Variants in MRPS28 observed in about 807,000 individuals in gnomAD.
The protein encoded by MRPS28 is small ribosomal subunit protein bS1m.
A neutral mutation model predicts 10.8 loss-of-function variants in MRPS28; 7 were observed. The observed-to-expected ratio is 0.65, with a 90% CI of 0.37 to 1.22. The LOEUF (loss-of-function observed/expected upper bound fraction) is 1.22, where lower values mean the gene tolerates loss of function less well. Ranked by LOEUF, MRPS28 falls within the 50% of genes most tolerant of loss-of-function variation. The pLI is 0.02. For synonymous variants in MRPS28, 121 were observed against 93.3 expected (o/e 1.30, Z -1.71); for missense variants, 265 against 232.9 (o/e 1.14, Z -0.90).
At chr8:79,998,227 GA>G (rs778864571) in intron 2 of MRPS28, among the ~76,000 whole-genome samples, 4 of 152,230 alleles carry the variant, frequency 2.6e-5, no homozygotes, top group East Asian at 1.9e-4. Flanking sequence ...AGAAAAAGAT[GA>G]TGTCAATTGA....
chr8:79,946,022 C>A (rs1292526173), intron 2 of MRPS28, among the ~76,000 whole-genome samples: 1 of 151,700 alleles, frequency 6.6e-6, no homozygotes, highest in South Asian at 2.1e-4. Context: ...GGGACCAATC[C>A]AAAAAAAACT....
At position 79,919,134 on chromosome 8, in the gene MRPS28, C is replaced by T; in HGVS notation, c.410G>A (p.Gly137Glu). Residue 137 changes from glycine to glutamate, a missense_variant, in exon 3 of 3, where the codon GGA becomes GAA. Transcript: ENST00000276585. The stretch of plus-strand genomic sequence containing the variant: ...TAATAGCCGCAACCGGACCCTGGTT[C>T]CTTTCTGGTATTTCCTAAATAGTTA... The part of the protein sequence containing the change: ...PEVDGEKYQK[G>E]TRVRLRLLDL... 6.3e-7 allele frequency: 1 copy of T among 1,583,546 alleles called. No individual in the cohort carries two copies.
chr8:79,958,631 T>C (rs981939727), intron 2 of MRPS28, among the ~76,000 whole-genome samples: 1 of 152,174 alleles, frequency 6.6e-6, no homozygotes, highest in South Asian at 2.1e-4. Context: ...TAGGCATATA[T>C]CAACACAAAG....
At chr8:79,970,760 G>T (rs74352238) in intron 2 of MRPS28, among the ~76,000 whole-genome samples, 7 of 152,094 alleles carry the variant, frequency 4.6e-5, no homozygotes, top group Non-Finnish European at 1.0e-4. Context: ...TAATATACTA[G>T]GTCTCAAAGA....
intron 2 of MRPS28, among the ~76,000 whole-genome samples, chr8:79,968,834 G>C (rs1056151417): frequency 1.8e-4 from 28 of 152,166 alleles, no homozygotes; most frequent in Middle Eastern, 3.4e-3. Context: ...GTATAGTGTG[G>C]CCATTAAGAA....
intron 2 of MRPS28, among the ~76,000 whole-genome samples, chr8:79,988,583 A>T (rs1808264800): frequency 6.6e-6 from 1 of 152,146 alleles, no homozygotes; most frequent in Non-Finnish European, 1.5e-5. Context: ...ATAATTCCTA[A>T]TATATTCAAT....
intron 2 of MRPS28, among the ~76,000 whole-genome samples, chr8:79,923,100 A>C (rs1158823981): frequency 6.6e-6 from 1 of 152,110 alleles, no homozygotes; most frequent in Non-Finnish European, 1.5e-5. Flanking sequence ...AGTCAGTCAC[A>C]TTTTCTAGTC....
At chr8:79,986,427 C>T (rs1586078550) in intron 2 of MRPS28, among the ~76,000 whole-genome samples, 1 of 151,954 alleles carries the variant, frequency 6.6e-6, no homozygotes, top group South Asian at 2.1e-4. Context: ...CTGGCCAGGG[C>T]AATTAGGCAG....
chr8:80,029,853 A>C, intron 1 of MRPS28, 183 bp downstream of exon 1: 1 of 1,535,070 alleles, frequency 6.5e-7, no homozygotes, highest in South Asian at 1.2e-5. Flanking sequence ...AACGAAAGGA[A>C]GAAAAACACC....
chr8:79,962,759 G>A (rs1226632215), intron 2 of MRPS28, among the ~76,000 whole-genome samples: 1 of 152,176 alleles, frequency 6.6e-6, no homozygotes, highest in East Asian at 1.9e-4. Context: ...GGATTTTCAC[G>A]GTTAGTTGGA....
chr8:79,960,806 T>C lies in MRPS28; in HGVS notation c.396-41658A>G, dbSNP rs550311955. Among the ~76,000 whole-genome samples the C allele has an allele frequency of 2.6e-5, 4 of 152,278 alleles. No individual in the cohort carries two copies. The East Asian group carries it at 5.8e-4, about 22-fold the overall frequency. ...ACAGGAACAAAACATTATAGAGCTT[T>C]TGAAATTCCCAGAGCCGCTGCTGTT... On this transcript the variant is annotated intron_variant, in intron 2 of 2. Coordinates refer to ENST00000276585, the MANE Select transcript of MRPS28 (RefSeq NM_014018.3).
chr8:79,942,154 A>G (rs1272222180), intron 2 of MRPS28, among the ~76,000 whole-genome samples: 1 of 152,180 alleles, frequency 6.6e-6, no homozygotes, highest in East Asian at 1.9e-4. Context: ...GTAAAAAAAG[A>G]ACACTTCTGA....
At chr8:79,934,053 T>C (rs1371382917) in intron 2 of MRPS28, among the ~76,000 whole-genome samples, 1 of 152,336 alleles carries the variant, frequency 6.6e-6, no homozygotes, top group East Asian at 1.9e-4. Flanking sequence ...GGTTTTTCCA[T>C]GGTGACTATC....
intron 2 of MRPS28, among the ~76,000 whole-genome samples, chr8:79,966,626 G>A (rs35613942): frequency 0.039 from 5,885 of 152,076 alleles, 154 homozygotes; most frequent in Middle Eastern, 0.065. Context: ...GAAAAAGTAC[G>A]TGAAAAATTG....
At chr8:79,953,371 T>C (rs1017350745) in intron 2 of MRPS28, among the ~76,000 whole-genome samples, 6 of 152,168 alleles carry the variant, frequency 3.9e-5, no homozygotes, top group Admixed American at 3.3e-4. Context: ...TAATACGATA[T>C]TGGTTCAAAG....
Position 80,030,046 on chromosome 8 carries a change from G to A in MRPS28, c.203C>T (p.Pro68Leu). ...CCGCCCGGGCTCCACCTTCTGTAGG[G>A]GCTCCACCTTCTGTAGAAGCTCCGA... ...RHSELLQKVEPLQKGSPKNVE... is the reference protein window; with the variant it reads ...RHSELLQKVELLQKGSPKNVE... Residue 68 changes from proline to leucine, a missense_variant, in exon 1 of 3, where the codon CCC becomes CTC. By Grantham distance (98) the Pro-to-Leu change is moderately conservative. Transcript: ENST00000276585. 1.9e-6 allele frequency: 3 copies of A among 1,613,362 alleles called. No individual in the cohort carries two copies. Among genetic ancestry groups the A allele is most frequent in the Non-Finnish European group, 2.5e-6 (3 of 1,179,716 alleles).
At chr8:79,945,629 G>T (rs544847097) in intron 2 of MRPS28, among the ~76,000 whole-genome samples, 1 of 152,088 alleles carries the variant, frequency 6.6e-6, no homozygotes, top group East Asian at 1.9e-4. Context: ...GGCAGAAATG[G>T]TAAGTTTTAT....
chr8:79,992,376 T>C (rs1371985339), intron 2 of MRPS28, among the ~76,000 whole-genome samples: 1 of 152,234 alleles, frequency 6.6e-6, no homozygotes, highest in Non-Finnish European at 1.5e-5. Context: ...TGTCCTTTCA[T>C]TATCCATCCC....
chr8:80,007,136 T>C (rs749457257), intron 1 of MRPS28, among the ~76,000 whole-genome samples: 11 of 152,212 alleles, frequency 7.2e-5, no homozygotes, highest in Non-Finnish European at 1.3e-4. Context: ...TCAATAAATG[T>C]AATCCAGCAC....
Sources: gnomAD v4.1 joint callset for allele counts (sites outside exome capture counted in the v4.1 genomes callset) on GRCh38, gnomAD v4.1.1 for gene constraint, MANE v1.5 for transcripts, NCBI Gene and HGNC (gene_info 2026-07-23, HGNC 2026-07-21) for gene names.